The following MAGI2 variants were observed in gnomAD, a reference collection of about 807,000 sequenced individuals.
The protein encoded by MAGI2 is membrane-associated guanylate kinase, WW and PDZ domain-containing protein 2.
A neutral mutation model predicts 133.3 loss-of-function variants in MAGI2; 35 were observed. The ratio of observed to expected loss-of-function variants is 0.26; its 90% CI spans 0.20 to 0.35. The LOEUF is 0.35. Ranked by LOEUF, MAGI2 falls within the 10% of genes least tolerant of loss-of-function variation. The probability of loss-of-function intolerance (pLI) is 1.00; values close to 1 mark genes in which losing one functional copy is unlikely to be tolerated. For missense variants in MAGI2, 1,636 were observed against 1,863.4 expected (o/e 0.88, Z 2.25); for synonymous variants, 729 against 710.6 (o/e 1.03, Z -0.41).
chr7:79,323,201 C>T (rs1303628513), intron 1 of MAGI2, among the ~76,000 whole-genome samples: 1 of 152,020 alleles, frequency 6.6e-6, no homozygotes, highest in Non-Finnish European at 1.5e-5. Flanking sequence ...TACTGTATAC[C>T]AAGTATTGAG....
chr7:78,595,250 G>A (rs1478333797), intron 3 of MAGI2, among the ~76,000 whole-genome samples: 2 of 152,064 alleles, frequency 1.3e-5, no homozygotes, highest in African/African-American at 4.8e-5. Context: ...GCTGCTTGGA[G>A]TCAGAGTAAA....
chr7:78,882,021 T>G lies in MAGI2; in HGVS notation c.418+125069A>C, dbSNP rs150965363. Among the ~76,000 whole-genome samples the G allele has an allele frequency of 8.4e-5, 10 of 118,886 alleles. No individual in the cohort carries two copies. The Admixed American group carries it at 9.5e-4, about 11-fold the overall frequency. The allele number at this position is 118,886 out of a possible 152,430, so 78.0% of individuals were successfully genotyped here. A position where few individuals can be genotyped will look rare whatever the true frequency, so the allele number is the denominator to read the frequency against. On this transcript the variant is annotated intron_variant, in intron 2 of 21. Coordinates refer to ENST00000354212, the MANE Select transcript of MAGI2 (RefSeq NM_012301.4). Reference sequence around the variant, plus strand: ...ACCAAATGATCAGGGAAACCAAAAGTTGATTCTTTGAAAAGATAAATAAGA... The same window carrying G: ...ACCAAATGATCAGGGAAACCAAAAGGTGATTCTTTGAAAAGATAAATAAGA...
At chr7:78,990,455 G>T (rs1188148767) in intron 2 of MAGI2, among the ~76,000 whole-genome samples, 6 of 151,806 alleles carry the variant, frequency 4.0e-5, no homozygotes, top group African/African-American at 1.5e-4. Flanking sequence ...TTCCTCTTAC[G>T]CTCATTACAA....
intron 21 of MAGI2, among the ~76,000 whole-genome samples, chr7:78,048,918 C>A (rs1185155412): frequency 6.6e-6 from 1 of 150,376 alleles, no homozygotes; most frequent in Non-Finnish European, 1.5e-5. Context: ...ACCATCCTGG[C>A]CAACATGGTG....
chr7:79,241,468 T>C (rs1358081635), intron 1 of MAGI2, among the ~76,000 whole-genome samples: 2 of 152,284 alleles, frequency 1.3e-5, no homozygotes, highest in South Asian at 2.1e-4. Context: ...ATTTAGTTTG[T>C]AGTTTAACTT....
chr7:79,058,500 G>T (rs1412399850), intron 1 of MAGI2, among the ~76,000 whole-genome samples: 1 of 152,216 alleles, frequency 6.6e-6, no homozygotes, highest in Non-Finnish European at 1.5e-5. Flanking sequence ...GAGCACTGCA[G>T]GCAGATCAGT....
chr7:78,200,250 T>C (rs1381293297), intron 11 of MAGI2, among the ~76,000 whole-genome samples: 2 of 152,192 alleles, frequency 1.3e-5, no homozygotes, highest in African/African-American at 2.4e-5. Flanking sequence ...CCGAGTATTC[T>C]AACACATAAA....
intron 1 of MAGI2, among the ~76,000 whole-genome samples, chr7:79,292,058 T>C (rs983779796): frequency 3.3e-5 from 5 of 152,156 alleles, no homozygotes; most frequent in Non-Finnish European, 5.9e-5. Context: ...TGCTCTATGA[T>C]CCAGTTATAG....
chr7:78,063,220 G>A (rs1813459075), intron 21 of MAGI2, among the ~76,000 whole-genome samples: 1 of 138,420 alleles, frequency 7.2e-6, no homozygotes, highest in South Asian at 2.5e-4. Flanking sequence ...TCCTTCGCTT[G>A]GGATAGAAGG....
chr7:78,729,471 C>T (rs1457394958), intron 2 of MAGI2, among the ~76,000 whole-genome samples: 2 of 152,158 alleles, frequency 1.3e-5, no homozygotes, highest in Admixed American at 6.5e-5. Context: ...TGGCAATGCC[C>T]ACTCAAACAC....
chr7:78,283,591 C>T lies in MAGI2; in HGVS notation c.1409-27010G>A, dbSNP rs116574548. Reference sequence around the variant, plus strand: ...GTCTGTAATAAATGATTTTAAATTTCGTGTTTCTCCGAAATGGTATTTTAA... The same window carrying T: ...GTCTGTAATAAATGATTTTAAATTTTGTGTTTCTCCGAAATGGTATTTTAA... On this transcript the variant is annotated intron_variant, in intron 9 of 21. Transcript: ENST00000354212. Among the ~76,000 whole-genome samples the T allele has an allele frequency of 5.7e-3, 867 of 152,094 alleles. 5 individuals carry two copies. Among genetic ancestry groups the T allele is most frequent in the African/African-American group, 0.02 (816 of 41,506 alleles).
Position 78,937,983 on chromosome 7 carries a change from G to T in MAGI2, c.418+69107C>A, listed in dbSNP as rs186097251. ...GAGTTTTCAAGAAAATTGATAGAAT[G>T]ATGTGGACGATAAAAAGATGAATAT... On this transcript the variant is annotated intron_variant, in intron 2 of 21. Transcript: ENST00000354212. Among the ~76,000 whole-genome samples the T allele has an allele frequency of 1.9e-3, 296 of 152,238 alleles. 4 individuals carry two copies. The highest frequency in any genetic ancestry group is 6.9e-4 in the Non-Finnish European group (47 of 68,004).
At chr7:79,352,221 G>C (rs1841738158) in intron 1 of MAGI2, among the ~76,000 whole-genome samples, 1 of 152,146 alleles carries the variant, frequency 6.6e-6, no homozygotes, top group Non-Finnish European at 1.5e-5. Flanking sequence ...TCCTCACAAA[G>C]CTCAGAATAT....
At chr7:78,728,033 A>G (rs1368960009) in intron 2 of MAGI2, among the ~76,000 whole-genome samples, 2 of 152,184 alleles carry the variant, frequency 1.3e-5, no homozygotes, top group Non-Finnish European at 2.9e-5. Flanking sequence ...ATTTTTAGAT[A>G]TGATAGTTAG....
intron 4 of MAGI2, chr7:78,518,287 A>G (rs188302489): frequency 9.2e-5 from 14 of 152,348 alleles, no homozygotes; most frequent in African/African-American, 2.9e-4. Flanking sequence ...ATATGTTTAT[A>G]TATCACTAAG....
intron 1 of MAGI2, among the ~76,000 whole-genome samples, chr7:79,031,157 G>A (rs1425000193): frequency 3.9e-5 from 6 of 151,994 alleles, no homozygotes; most frequent in African/African-American, 1.2e-4. Flanking sequence ...TCCCTTTGCC[G>A]GTTTTATGTG....
intron 2 of MAGI2, among the ~76,000 whole-genome samples, chr7:79,002,937 G>T (rs1807043751): frequency 6.7e-6 from 1 of 149,768 alleles, no homozygotes; most frequent in Non-Finnish European, 1.5e-5. Context: ...AATTAGGCGG[G>T]CTCTGAGATA....
rs571943281 is a variant in MAGI2, at chr7:78,983,653, C to T, written c.418+23437G>A. On this transcript the variant is annotated intron_variant, in intron 2 of 21. Coordinates refer to ENST00000354212, the MANE Select transcript of MAGI2 (RefSeq NM_012301.4). ...ATAGCATAGCTTTAATACTTGCCCT[C>T]TAATAGTTGATTCTCAGTTCCCATC... 2.0e-4 allele frequency among the ~76,000 whole-genome samples: 31 copies of T among 152,076 alleles called. 1 individual carries two copies. The highest frequency in any genetic ancestry group is 7.5e-4 in the African/African-American group (31 of 41,524).
At chr7:78,065,913 T>TC (rs1280447938) in intron 21 of MAGI2, among the ~76,000 whole-genome samples, 1 of 152,172 alleles carries the variant, frequency 6.6e-6, no homozygotes, top group East Asian at 1.9e-4. Context: ...ATTGAGGGCA[T>TC]CCTGAGGTGC....
Sources: allele counts gnomAD v4.1 joint callset (sites outside exome capture counted in the v4.1 genomes callset), GRCh38; gene constraint gnomAD v4.1.1; transcripts MANE v1.5; gene names NCBI Gene and HGNC (gene_info 2026-07-23, HGNC 2026-07-21).